Variants in PTPRK observed in about 807,000 individuals in gnomAD.
PTPRK encodes protein tyrosine phosphatase receptor type K.
Under a neutral mutation model 178.0 loss-of-function variants are expected in PTPRK, and 75 were observed. The ratio of observed to expected loss-of-function variants is 0.42; its 90% CI spans 0.35 to 0.51. PTPRK has a LOEUF of 0.51. Ranked by LOEUF, PTPRK falls within the 20% of genes least tolerant of loss-of-function variation. The pLI is 0.02. For missense variants in PTPRK, 1,441 were observed against 1,797.8 expected (o/e 0.80, Z 3.59); for synonymous variants, 637 against 620.6 (o/e 1.03, Z -0.39).
At chr6:128,367,681 G>T (rs1337841233) in intron 2 of PTPRK, among the ~76,000 whole-genome samples, 1 of 152,086 alleles carries the variant, frequency 6.6e-6, no homozygotes, top group African/African-American at 2.4e-5. Context: ...TACAATAAAA[G>T]ATAATATTAA....
chr6:128,071,500 G>C (rs1484823238), intron 11 of PTPRK, among the ~76,000 whole-genome samples: 2 of 151,942 alleles, frequency 1.3e-5, no homozygotes, highest in Non-Finnish European at 2.9e-5. Flanking sequence ...CTGTCTTTCT[G>C]TTCTGGACCT....
chr6:128,398,142 G>A (rs779942146), intron 1 of PTPRK, among the ~76,000 whole-genome samples: 1 of 152,154 alleles, frequency 6.6e-6, no homozygotes, highest in Non-Finnish European at 1.5e-5. Flanking sequence ...GGGAGTGCGC[G>A]AGCAGCAGCT....
intron 6 of PTPRK, among the ~76,000 whole-genome samples, chr6:128,185,482 T>C (rs905785726): frequency 5.3e-5 from 8 of 152,060 alleles, no homozygotes; most frequent in African/African-American, 1.9e-4. Flanking sequence ...ATTAGAACAA[T>C]GTGACTGAAA....
chr6:128,249,047 A>C (rs1583692229), intron 3 of PTPRK, among the ~76,000 whole-genome samples: 2 of 152,122 alleles, frequency 1.3e-5, no homozygotes, highest in East Asian at 3.9e-4. Context: ...ATAAAAATGT[A>C]ATTTCTAGGA....
chr6:128,198,787 T>C (rs1805383852), intron 6 of PTPRK, among the ~76,000 whole-genome samples: 1 of 152,188 alleles, frequency 6.6e-6, no homozygotes, highest in Admixed American at 6.5e-5. Flanking sequence ...CTTTTTCTGG[T>C]AAGAGATTTA....
intron 5 of PTPRK, among the ~76,000 whole-genome samples, chr6:128,237,468 G>A (rs1240711936): frequency 6.6e-6 from 1 of 152,094 alleles, no homozygotes; most frequent in Non-Finnish European, 1.5e-5. Context: ...CATGCAAAAC[G>A]AATTACAAGA....
At chr6:128,170,836 A>T (rs1283569122) in intron 7 of PTPRK, among the ~76,000 whole-genome samples, 2 of 151,944 alleles carry the variant, frequency 1.3e-5, no homozygotes, top group African/African-American at 4.8e-5. Context: ...ATTATGAATG[A>T]CTTTAAAATG....
chr6:128,418,734 A>G (rs1843115193), intron 1 of PTPRK, among the ~76,000 whole-genome samples: 1 of 152,268 alleles, frequency 6.6e-6, no homozygotes, highest in Non-Finnish European at 1.5e-5. Flanking sequence ...CAGCACCAGA[A>G]CACTACTAAA....
At chr6:128,492,742 C>T (rs1434995316) in intron 1 of PTPRK, among the ~76,000 whole-genome samples, 1 of 152,134 alleles carries the variant, frequency 6.6e-6, no homozygotes, top group Non-Finnish European at 1.5e-5. Flanking sequence ...GACTGTTTGG[C>T]CTGAAAATAG....
At chr6:128,307,133 G>C (rs2128314334) in intron 3 of PTPRK, among the ~76,000 whole-genome samples, 1 of 146,688 alleles carries the variant, frequency 6.8e-6, no homozygotes. Flanking sequence ...CAGGCAGATA[G>C]AAGGCTCAGA....
At chr6:128,462,722 C>G (rs1268622683) in intron 1 of PTPRK, among the ~76,000 whole-genome samples, 1 of 151,824 alleles carries the variant, frequency 6.6e-6, no homozygotes, top group Non-Finnish European at 1.5e-5. Context: ...ATGGCATGAT[C>G]TCGGCTCACT....
chr6:128,028,810 AT>A (rs774325494), intron 13 of PTPRK, among the ~76,000 whole-genome samples: 1 of 152,118 alleles, frequency 6.6e-6, no homozygotes. Context: ...AGTGAAAACA[AT>A]TTTTTTGTTG....
intron 1 of PTPRK, among the ~76,000 whole-genome samples, chr6:128,467,799 C>T (rs944138803): frequency 3.4e-5 from 5 of 147,322 alleles, no homozygotes; most frequent in Admixed American, 2.7e-4. Context: ...CTCTCATTGG[C>T]CATTAAATGT....
chr6:128,328,144 C>T (rs980248407), intron 2 of PTPRK, among the ~76,000 whole-genome samples: 2 of 152,196 alleles, frequency 1.3e-5, no homozygotes, highest in African/African-American at 4.8e-5. Flanking sequence ...CACAATTCAA[C>T]CAAGAATAGA....
chr6:128,279,964 G>C (rs1821412935), intron 3 of PTPRK, among the ~76,000 whole-genome samples: 1 of 152,172 alleles, frequency 6.6e-6, no homozygotes, highest in Admixed American at 6.6e-5. Flanking sequence ...TGACTTACTA[G>C]AACAGACCCA....
chr6:128,375,705 G>C (rs1463733828), intron 2 of PTPRK, among the ~76,000 whole-genome samples: 3 of 152,132 alleles, frequency 2.0e-5, no homozygotes, highest in Admixed American at 1.3e-4. Flanking sequence ...TCTCATCTGA[G>C]ACAAGGAAAG....
chr6:128,488,650 A>G (rs922177218), intron 1 of PTPRK, among the ~76,000 whole-genome samples: 11 of 152,212 alleles, frequency 7.2e-5, no homozygotes, highest in African/African-American at 2.7e-4. Flanking sequence ...TTACATTCCA[A>G]AATTGCTTAC....
chr6:128,026,371 T>C (rs1191273709), intron 13 of PTPRK, among the ~76,000 whole-genome samples: 1 of 152,172 alleles, frequency 6.6e-6, no homozygotes, highest in Non-Finnish European at 1.5e-5. Context: ...AAAAATACAG[T>C]TGTAATAGCT....
chr6:128,096,002 T>C (rs1787849423), intron 7 of PTPRK, among the ~76,000 whole-genome samples: 1 of 152,198 alleles, frequency 6.6e-6, no homozygotes, highest in Non-Finnish European at 1.5e-5. Flanking sequence ...TCCTACTTCT[T>C]TTTTGCCTTT....
Sources: gnomAD v4.1 joint callset for allele counts (sites outside exome capture counted in the v4.1 genomes callset) on GRCh38, gnomAD v4.1.1 for gene constraint, MANE v1.5 for transcripts, NCBI Gene and HGNC (gene_info 2026-07-23, HGNC 2026-07-21) for gene names.